The following VARS2 variants were observed in gnomAD, a reference collection of about 807,000 sequenced individuals.
VARS2 encodes valine--tRNA ligase, mitochondrial.
In VARS2, 105 loss-of-function variants were observed where a neutral mutation model predicts 154.1. That is an observed-to-expected ratio of 0.68 (90% CI 0.58 to 0.80). VARS2 has a LOEUF of 0.80. Among genes scored for constraint, VARS2 ranks in the 30% least tolerant of loss-of-function variants. The pLI, the probability that VARS2 is intolerant of heterozygous loss-of-function variation, is 0.00. For missense variants in VARS2, 1,157 were observed against 1,361.4 expected, an observed-to-expected ratio of 0.85 and a Z score of 2.36; for synonymous variants, 483 against 539.5, an observed-to-expected ratio of 0.90 and a Z score of 1.45.
chr6:30,919,045 A>C lies in VARS2; in HGVS notation c.1074+130A>C. On this transcript the variant is annotated intron_variant, in intron 11 of 29. Coordinates refer to ENST00000676266, the MANE Select transcript of VARS2 (RefSeq NM_020442.6). The surrounding 1 kb of genome is among the most constrained non-coding windows in gnomAD (Gnocchi z 4.5). ...CCTGAGACTTCTCTCAGTGGTTCTGATTGGACTCCCTCCTCCTCTTATAGT... is the reference window on the plus strand; with the variant it reads ...CCTGAGACTTCTCTCAGTGGTTCTGCTTGGACTCCCTCCTCCTCTTATAGT... The C allele has an allele frequency of 3.7e-6, 3 of 800,646 alleles. No individual in the cohort carries two copies. The South Asian group carries it at 4.8e-5, about 13-fold the overall frequency. The allele number at this position is 800,646 out of a possible 1,614,324, so 49.6% of individuals were successfully genotyped here. A position where few individuals can be genotyped will look rare whatever the true frequency, so the allele number is the denominator to read the frequency against.
chr6:30,922,213 A>G lies in VARS2; in HGVS notation c.1904A>G (p.Gln635Arg), dbSNP rs1177289541. ...GGCCGCATGGTCATGTTGGGGACCC[A>G]GCTCACAGGGCAGCTGCCCTTCAGC... ...WVGRMVMLGT[Q>R]LTGQLPFSKV... Residue 635 changes from glutamine to arginine, a missense_variant, in exon 20 of 30, where the codon CAG becomes CGG. Transcript: ENST00000676266. The G allele has an allele frequency of 5.6e-6, 9 of 1,612,464 alleles. No individual in the cohort carries two copies. Among genetic ancestry groups the G allele is most frequent in the Non-Finnish European group, 5.1e-6 (6 of 1,179,874 alleles).
intron 27 of VARS2, 25 bp downstream of exon 27, chr6:30,925,410 C>T (rs374091288): frequency 2.9e-5 from 46 of 1,592,838 alleles, no homozygotes; most frequent in South Asian, 3.3e-5. Flanking sequence ...GTCCTGGGCT[C>T]GGATCCCTGC....
intron 4 of VARS2, 83 bp from the exon 5 acceptor site, chr6:30,915,663 T>G: frequency 6.3e-7 from 1 of 1,578,908 alleles, no homozygotes; most frequent in South Asian, 1.1e-5. Context: ...TCCTTGAAGT[T>G]CTTTCTGTTC....
In VARS2 at chr6:30,916,362, T is replaced by C; in HGVS notation, c.671+113T>C. ...TGGCTCTTCCCGACACAGCTCTGAC[T>C]TCCTCAGAGATGGAAGCTCTGGAGC... On this transcript the variant is annotated intron_variant, in intron 7 of 29. Transcript: ENST00000676266. This position sits in a 1 kb window ranked among gnomAD's most constrained non-coding sequence, Gnocchi z 4.0. The C allele has an allele frequency of 1.1e-6, 1 of 899,390 alleles. No individual in the cohort carries two copies. The highest frequency in any genetic ancestry group is 1.7e-6 in the Non-Finnish European group (1 of 598,612). 55.7% of individuals were successfully genotyped at this position (899,390 alleles called of 1,614,324 possible).
At chr6:30,922,654 A>C in intron 21 of VARS2, 52 bp from the exon 22 acceptor site, 1 of 1,591,174 alleles carries the variant, frequency 6.3e-7, no homozygotes, top group Admixed American at 1.7e-5. Context: ...TGTGACCCTT[A>C]TAGAGGCAGG....
At position 30,919,809 on chromosome 6, in the gene VARS2, C is replaced by T; in HGVS notation, c.1126C>T (p.Leu376Phe). The T allele has an allele frequency of 1.3e-6, 2 of 1,596,612 alleles. No individual in the cohort carries two copies. Among genetic ancestry groups the T allele is most frequent in the Non-Finnish European group, 1.7e-6 (2 of 1,168,308 alleles). The change falls in exon 12 of 30, where the codon CTC becomes TTC. Residue 376 changes from leucine (L) to phenylalanine (F), a missense_variant. Physicochemically the swap from Leu to Phe is conservative, Grantham distance 22. Coordinates refer to ENST00000676266, the MANE Select transcript of VARS2 (RefSeq NM_020442.6). This position sits in a 1 kb window ranked among gnomAD's most constrained non-coding sequence, Gnocchi z 4.5. ...CCCCTTGATGGGGCAGCCTCTTCCC[C>T]TCATCACAGACTATGCTGTTCAGCC... Reference protein sequence around the residue: ...RHPLMGQPLPLITDYAVQPHV... With the variant: ...RHPLMGQPLPFITDYAVQPHV...
Position 30,915,213 on chromosome 6 carries a change from C to G in VARS2, c.259C>G (p.Pro87Ala). 6.2e-7 allele frequency: 1 copy of G among 1,614,178 alleles called. No individual in the cohort carries two copies. ...RPKELVLYEIPTKPGEKKDVS... is the reference protein window; with the variant it reads ...RPKELVLYEIATKPGEKKDVS... ...TAAGGAGTTAGTATTGTATGAAATC[C>G]CTACGAAACCCGGTGAAAAGAAAGG... The change falls in exon 3 of 30, where the codon CCT becomes GCT. Residue 87 changes from proline (P) to alanine (A), a missense_variant. Pro to Ala is a conservative substitution (Grantham distance 27). Transcript: ENST00000676266.
Position 30,922,186 on chromosome 6 carries a change from T to C in VARS2, c.1877T>C (p.Val626Ala), listed in dbSNP as rs1794561787. 1 of 1,612,848 alleles carries C rather than the reference T, an allele frequency of 6.2e-7. No individual in the cohort carries two copies. Among genetic ancestry groups the C allele is most frequent in the Non-Finnish European group, 8.5e-7 (1 of 1,179,966 alleles). ...ETGSDLLLFW[V>A]GRMVMLGTQL... is the part of the protein sequence containing the mutation. ...GGCAGCGACCTTCTGCTGTTCTGGG[T>C]GGGCCGCATGGTCATGTTGGGGACC... The change falls in exon 20 of 30, where the codon GTG (valine) becomes GCG (alanine). Residue 626 changes from valine to alanine, a missense_variant. Val to Ala is a moderately conservative substitution (Grantham distance 64). Transcript: ENST00000676266.
At position 30,916,009 on chromosome 6, in the gene VARS2, TG is replaced by T; in HGVS notation, c.538del (p.Val180SerfsTer25). On this transcript the variant is annotated frameshift_variant, in exon 6 of 30. Transcript: ENST00000676266. LOFTEE classifies it high-confidence loss of function. This position sits in a 1 kb window ranked among gnomAD's most constrained non-coding sequence, Gnocchi z 4.0. The stretch of plus-strand genomic sequence containing the variant: ...CCGGATGCGTGGGGATCAAGTGCTG[TG>T]GGTCCCTGGTTCAGATCATGCAGGA... ...WHRMRGDQVL[W>X]VPGSDHAGIA... The T allele has an allele frequency of 6.2e-7, 1 of 1,614,050 alleles. No homozygotes were observed. Among genetic ancestry groups the T allele is most frequent in the Non-Finnish European group, 8.5e-7 (1 of 1,179,916 alleles).
chr6:30,921,900 T>C lies in VARS2; in HGVS notation c.1736-25T>C. ...GTCCTAGAAGCCAAGGTTCCAACTG[T>C]CCCCATTCTTTTTCTGTTTCCCAGA... is the stretch of plus-strand genomic sequence containing the variant. On this transcript the variant is annotated intron_variant, in intron 18 of 29. Coordinates refer to ENST00000676266, the MANE Select transcript of VARS2 (RefSeq NM_020442.6). This position sits in a 1 kb window ranked among gnomAD's most constrained non-coding sequence, Gnocchi z 4.6. 6.2e-7 allele frequency: 1 copy of C among 1,612,722 alleles called. No homozygotes were observed. The highest frequency in any genetic ancestry group is 8.5e-7 in the Non-Finnish European group (1 of 1,179,794).
Position 30,920,253 on chromosome 6 carries a change from T to C in VARS2, c.1293+37T>C. 1 of 1,560,912 alleles carries C rather than the reference T, an allele frequency of 6.4e-7. No individual in the cohort carries two copies. The highest frequency in any genetic ancestry group is 8.7e-7 in the Non-Finnish European group (1 of 1,153,638). On this transcript the variant is annotated intron_variant, in intron 13 of 29. Transcript: ENST00000676266. The surrounding 1 kb of genome is among the most constrained non-coding windows in gnomAD (Gnocchi z 4.6). ...CTATGTTACCCCATCCTTTGGGGGC[T>C]CTCTGTCCCCCTAATCCTCCTCCTA...
chr6:30,920,995 A>G lies in VARS2; in HGVS notation c.1480-70A>G, dbSNP rs1794472226. ...GAGTTTTAAAATGACCTCAGAGGCC[A>G]CTCGTCCTATCTGTGGAGGTGCGGC... On this transcript the variant is annotated intron_variant, in intron 15 of 29. Transcript: ENST00000676266. This position sits in a 1 kb window ranked among gnomAD's most constrained non-coding sequence, Gnocchi z 4.6. 2.7e-6 allele frequency: 4 copies of G among 1,476,430 alleles called. No individual in the cohort carries two copies. The highest frequency in any genetic ancestry group is 3.7e-6 in the Non-Finnish European group (4 of 1,093,818). The allele number at this position is 1,476,430 out of a possible 1,614,324, so 91.5% of individuals were successfully genotyped here.
Position 30,914,809 on chromosome 6 carries a change from G to C in VARS2, c.-27-1G>C. 1 of 1,612,860 alleles carries C rather than the reference G, an allele frequency of 6.2e-7. No homozygotes were observed. Among genetic ancestry groups the C allele is most frequent in the South Asian group, 1.1e-5 (1 of 91,070 alleles). On this transcript the variant is annotated splice_acceptor_variant, in intron 1 of 29. Coordinates refer to ENST00000676266, the MANE Select transcript of VARS2 (RefSeq NM_020442.6). LOFTEE classifies it low-confidence loss of function (5UTR_SPLICE). ...ATGTGCTCTCTCTCTATCCAGAACA[G>C]ATCTCGGCCCCTTTCCAAACACTCC...
At chr6:30,918,341 C>T (rs9468847) in intron 10 of VARS2, among the ~76,000 whole-genome samples, 30,861 of 152,198 alleles carry the variant, frequency 0.2, 3,982 homozygotes, top group East Asian at 0.58. Context: ...GCTGGGATTA[C>T]GGGCGTGAGC....
At chr6:30,922,375 C>T (rs1794574444) in intron 20 of VARS2, 75 bp from the exon 21 acceptor site, 1 of 1,606,924 alleles carries the variant, frequency 6.2e-7, no homozygotes. Context: ...TACCCTACCC[C>T]CAAAAGTATG....
intron 1 of VARS2, 150 bp downstream of exon 1, chr6:30,914,494 G>A (rs1449897242): frequency 7.5e-7 from 1 of 1,331,070 alleles, no homozygotes; most frequent in East Asian, 2.9e-5. Context: ...GGCCCTGGCG[G>A]GACTCCTTGC....
chr6:30,914,395 T>C, intron 1 of VARS2, 51 bp downstream of exon 1: 1 of 1,257,978 alleles, frequency 7.9e-7, no homozygotes, highest in Non-Finnish European at 1.0e-6. Flanking sequence ...CTGCGGGTCC[T>C]GGGCCCAGGC....
In VARS2 at chr6:30,916,219, T is replaced by G. The variant is rs537794202; in HGVS notation, c.641T>G (p.Phe214Cys). ...AGACATGAGCTGAGCCGGGAGGCCT[T>G]CCTTAGGGAGGTGTGGCAGTGGAAG... is the stretch of plus-strand genomic sequence containing the variant. ...VRRHELSREAFLREVWQWKEA... is the reference protein window; with the variant it reads ...VRRHELSREACLREVWQWKEA... Residue 214 changes from phenylalanine to cysteine, a missense_variant, in exon 7 of 30, where the codon TTC (phenylalanine) becomes TGC (cysteine). Coordinates refer to ENST00000676266, the MANE Select transcript of VARS2 (RefSeq NM_020442.6). The surrounding 1 kb of genome is among the most constrained non-coding windows in gnomAD (Gnocchi z 4.0). 1 of 1,613,436 alleles carries G rather than the reference T, an allele frequency of 6.2e-7. No homozygotes were observed. Among genetic ancestry groups the G allele is most frequent in the Non-Finnish European group, 8.5e-7 (1 of 1,179,610 alleles).
Position 30,921,718 on chromosome 6 carries a change from T to C in VARS2, c.1735+27T>C. On this transcript the variant is annotated intron_variant, in intron 18 of 29. Coordinates refer to ENST00000676266, the MANE Select transcript of VARS2 (RefSeq NM_020442.6). This position sits in a 1 kb window ranked among gnomAD's most constrained non-coding sequence, Gnocchi z 4.6. ...TGAGTGCCTGAGCTGGGGAGGGATG[T>C]ACAGGGGAGCGGGGGCCTGGGCATC... 1 of 1,580,744 alleles carries C rather than the reference T, an allele frequency of 6.3e-7. No homozygotes were observed. The highest frequency in any genetic ancestry group is 8.6e-7 in the Non-Finnish European group (1 of 1,164,492).
Sources: allele counts gnomAD v4.1 joint callset (sites outside exome capture counted in the v4.1 genomes callset), GRCh38; gene constraint gnomAD v4.1.1; non-coding constraint Gnocchi (gnomAD v3.1); transcripts MANE v1.5; gene names NCBI Gene and HGNC (gene_info 2026-07-23, HGNC 2026-07-21).